The following MMP16 variants were observed in gnomAD, a reference collection of about 807,000 sequenced individuals.
MMP16 encodes the protein matrix metallopeptidase 16, also known as matrix metalloproteinase-16.
Under a neutral mutation model 67.8 loss-of-function variants are expected in MMP16, and 12 were observed. That is an observed-to-expected ratio of 0.18 (90% CI 0.11 to 0.29). The LOEUF (loss-of-function observed/expected upper bound fraction) is 0.29, where lower values mean the gene tolerates loss of function less well. Ranked by LOEUF, MMP16 falls within the 10% of genes least tolerant of loss-of-function variation. The pLI is 1.00. For missense variants in MMP16, 475 were observed against 765.7 expected, an observed-to-expected ratio of 0.62 and a Z score of 4.48; for synonymous variants, 249 against 255.9, an observed-to-expected ratio of 0.97 and a Z score of 0.26.
At chr8:88,124,165 C>A (rs1038198540) in intron 4 of MMP16, among the ~76,000 whole-genome samples, 2 of 151,872 alleles carry the variant, frequency 1.3e-5, no homozygotes, top group Admixed American at 1.3e-4. Flanking sequence ...TTTATATATG[C>A]TCAGACCTTT....
chr8:88,202,139 A>T (rs946764711), intron 1 of MMP16, among the ~76,000 whole-genome samples: 1 of 152,188 alleles, frequency 6.6e-6, no homozygotes, highest in African/African-American at 2.4e-5. Flanking sequence ...CACAAATAGA[A>T]TTCAATTCAC....
At chr8:88,159,810 A>G (rs1808581995) in intron 4 of MMP16, among the ~76,000 whole-genome samples, 1 of 152,098 alleles carries the variant, frequency 6.6e-6, no homozygotes, top group Non-Finnish European at 1.5e-5. Context: ...CGTCCCATCA[A>G]TACCTAATTT....
At chr8:88,117,839 T>C (rs566527091) in intron 5 of MMP16, among the ~76,000 whole-genome samples, 2 of 152,232 alleles carry the variant, frequency 1.3e-5, no homozygotes, top group East Asian at 3.9e-4. Flanking sequence ...GGATACTGGA[T>C]ATTAACATAC....
chr8:88,078,521 T>C (rs1586138874), intron 6 of MMP16, among the ~76,000 whole-genome samples: 1 of 152,156 alleles, frequency 6.6e-6, no homozygotes, highest in East Asian at 1.9e-4. Flanking sequence ...ATGATGTTAA[T>C]GATCTACTAT....
intron 6 of MMP16, among the ~76,000 whole-genome samples, chr8:88,080,672 G>A (rs1808734361): frequency 6.6e-6 from 1 of 152,086 alleles, no homozygotes; most frequent in South Asian, 2.1e-4. Flanking sequence ...CTGACCTCAA[G>A]TGATCCACCC....
intron 4 of MMP16, among the ~76,000 whole-genome samples, chr8:88,139,099 G>A (rs1468232186): frequency 1.3e-5 from 2 of 152,072 alleles, no homozygotes; most frequent in African/African-American, 4.8e-5. Context: ...ACTTACAGCT[G>A]ATTGTTCAGA....
chr8:88,078,875 C>T (rs1808697374), intron 6 of MMP16, among the ~76,000 whole-genome samples: 1 of 152,158 alleles, frequency 6.6e-6, no homozygotes, highest in African/African-American at 2.4e-5. Context: ...GCCAAGCCAC[C>T]TTGGTCCTGC....
intron 4 of MMP16, among the ~76,000 whole-genome samples, chr8:88,127,271 A>T (rs543080496): frequency 2.7e-4 from 41 of 152,016 alleles, no homozygotes; most frequent in African/African-American, 8.9e-4. Context: ...TCTGACATTG[A>T]AATGATATTG....
intron 1 of MMP16, among the ~76,000 whole-genome samples, chr8:88,301,934 A>T (rs1811110585): frequency 6.6e-6 from 1 of 152,196 alleles, no homozygotes; most frequent in South Asian, 2.1e-4. Flanking sequence ...AATCCACATA[A>T]TAAAATAACA....
intron 3 of MMP16, among the ~76,000 whole-genome samples, chr8:88,176,935 C>A (rs1194427195): frequency 6.6e-6 from 1 of 152,128 alleles, no homozygotes; most frequent in Non-Finnish European, 1.5e-5. Flanking sequence ...CAAAAAAAGT[C>A]TTACTGGGAT....
rs1811557229 is a variant in MMP16, at chr8:88,327,327, T to A, written c.-121A>T. 2 of 1,317,696 alleles carry A rather than the reference T, an allele frequency of 1.5e-6. No individual in the cohort carries two copies. The highest frequency in any genetic ancestry group is 3.8e-5 in the Admixed American group (2 of 52,438). The allele number at this position is 1,317,696 out of a possible 1,614,324, so 81.6% of individuals were successfully genotyped here. The stretch of plus-strand genomic sequence containing the variant: ...CCGGGTGGGTAAGGAGCCTGCAGGT[T>A]CACCCACAGCCGGGCAAGGGGAGGA... On this transcript the variant is annotated 5_prime_UTR_variant, in exon 1 of 10. Coordinates refer to ENST00000286614, the MANE Select transcript of MMP16 (RefSeq NM_005941.5).
chr8:88,114,401 AG>A (rs1809394264), intron 6 of MMP16, among the ~76,000 whole-genome samples: 1 of 151,924 alleles, frequency 6.6e-6, no homozygotes, highest in Admixed American at 6.6e-5. Flanking sequence ...ATTAGACTTC[AG>A]TACTTTATCT....
At chr8:88,063,638 A>C (rs2118246274) in intron 7 of MMP16, among the ~76,000 whole-genome samples, 1 of 152,116 alleles carries the variant, frequency 6.6e-6, no homozygotes, top group Middle Eastern at 3.4e-3. Flanking sequence ...ATCCAGCCTA[A>C]CGCATTCATT....
intron 3 of MMP16, among the ~76,000 whole-genome samples, chr8:88,169,004 G>A (rs1808759350): frequency 6.6e-6 from 1 of 151,892 alleles, no homozygotes; most frequent in African/African-American, 2.4e-5. Context: ...ACCATGCCCA[G>A]CTGATAAATA....
intron 6 of MMP16, among the ~76,000 whole-genome samples, chr8:88,089,389 AG>A (rs1808895610): frequency 6.6e-6 from 1 of 152,006 alleles, no homozygotes; most frequent in Non-Finnish European, 1.5e-5. Flanking sequence ...AGGGGAAATA[AG>A]ATTTGATGAC....
intron 1 of MMP16, among the ~76,000 whole-genome samples, chr8:88,227,570 C>T (rs559657464): frequency 3.3e-5 from 5 of 151,990 alleles, no homozygotes; most frequent in African/African-American, 7.2e-5. Flanking sequence ...AAGGCTCAGG[C>T]GATGGTAATC....
At chr8:88,085,707 TA>T (rs1252812582) in intron 6 of MMP16, among the ~76,000 whole-genome samples, 1 of 152,178 alleles carries the variant, frequency 6.6e-6, no homozygotes, top group African/African-American at 2.4e-5. Flanking sequence ...CCATTTGGAT[TA>T]AAAAATGTAA....
At chr8:88,182,129 T>C (rs1808990651) in intron 3 of MMP16, among the ~76,000 whole-genome samples, 1 of 151,934 alleles carries the variant, frequency 6.6e-6, no homozygotes, top group South Asian at 2.1e-4. Context: ...AAAAGCACAA[T>C]ACGAGAAGGA....
rs551577776 is a variant in MMP16, at chr8:88,248,777, G to C, written c.133-51471C>G. On this transcript the variant is annotated intron_variant, in intron 1 of 9. Transcript: ENST00000286614. ...GTGAGAAGAATCTCACTGGCAGGTT[G>C]TATTGGACATAGTAAAAAAAAAAAA... Among the ~76,000 whole-genome samples the C allele has an allele frequency of 1.2e-4, 17 of 137,380 alleles. No individual in the cohort carries two copies. In the East Asian group the frequency reaches 3.8e-3, roughly 31 times the overall value. The allele number at this position is 137,380 out of a possible 152,430, so 90.1% of individuals were successfully genotyped here.
Sources: gnomAD v4.1 joint callset for allele counts (sites outside exome capture counted in the v4.1 genomes callset) on GRCh38, gnomAD v4.1.1 for gene constraint, MANE v1.5 for transcripts, NCBI Gene and HGNC (gene_info 2026-07-23, HGNC 2026-07-21) for gene names.